Variants in PMFBP1 observed in about 807,000 individuals in gnomAD.
PMFBP1 encodes the protein polyamine-modulated factor 1-binding protein 1.
A neutral mutation model predicts 137.8 loss-of-function variants in PMFBP1; 131 were observed. The ratio of observed to expected loss-of-function variants is 0.95; its 90% CI spans 0.82 to 1.10. The LOEUF (loss-of-function observed/expected upper bound fraction) is 1.10, where lower values mean the gene tolerates loss of function less well. PMFBP1 is among the 50% of genes least tolerant of loss of function. The pLI, the probability that PMFBP1 is intolerant of heterozygous loss-of-function variation, is 0.00. For missense variants in PMFBP1, 1,199 were observed against 1,175.4 expected (o/e 1.02, Z -0.29); for synonymous variants, 490 against 450.4 (o/e 1.09, Z -1.11).
chr16:72,216,346 G>C, the PMFBP1 span, among the ~76,000 whole-genome samples: 3 of 152,154 alleles, frequency 2.0e-5, no homozygotes, highest in African/African-American at 7.2e-5. Context: ...TATCCTATTT[G>C]ATTAATACAG....
the PMFBP1 span, among the ~76,000 whole-genome samples, chr16:72,222,256 A>T: frequency 6.6e-6 from 1 of 152,090 alleles, no homozygotes; most frequent in Non-Finnish European, 1.5e-5. Context: ...AAAGGCACTC[A>T]CCACCATGCC....
downstream of PMFBP1, among the ~76,000 whole-genome samples, chr16:72,117,620 T>C (rs960207079): frequency 2.0e-5 from 3 of 152,350 alleles, no homozygotes; most frequent in South Asian, 2.1e-4. Flanking sequence ...TCTTTCACCA[T>C]TGAGTATAAT....
rs2042341992 is a variant in PMFBP1 at position 72,119,364 on chromosome 16, C to T, written c.3008-10G>A. 1 of 1,613,978 alleles carries T rather than the reference C, an allele frequency of 6.2e-7. No individual in the cohort carries two copies. The highest frequency in any genetic ancestry group is 1.7e-5 in the Admixed American group (1 of 60,004). ...TAGCAGTATGAGGAACCTGAGGGAA[C>T]AGGGAGGAAATGAGAGTTTTGATTC... is the stretch of plus-strand genomic sequence containing the variant. On this transcript the variant is annotated splice_polypyrimidine_tract_variant and intron_variant, in intron 20 of 20. Coordinates refer to ENST00000237353, the MANE Select transcript of PMFBP1 (RefSeq NM_031293.3).
the PMFBP1 span, among the ~76,000 whole-genome samples, chr16:72,199,487 C>T: frequency 6.6e-6 from 1 of 151,948 alleles, no homozygotes; most frequent in Non-Finnish European, 1.5e-5. Context: ...AACCCTGTCT[C>T]TACTAAAAAT....
chr16:72,129,698 ATTAATT>A (rs2042518298), intron 12 of PMFBP1, among the ~76,000 whole-genome samples: 2 of 152,224 alleles, frequency 1.3e-5, no homozygotes, highest in African/African-American at 4.8e-5. Flanking sequence ...TTGTCATTTG[ATTAATT>A]TTAAGGTTAA....
chr16:72,148,762 C>T (rs1399933323), intron 5 of PMFBP1, among the ~76,000 whole-genome samples: 1 of 152,172 alleles, frequency 6.6e-6, no homozygotes, highest in Non-Finnish European at 1.5e-5. Flanking sequence ...ATGAATAGTG[C>T]TCAATCCTTC....
At chr16:72,178,738 G>A (rs557603884), upstream of PMFBP1, among the ~76,000 whole-genome samples, 30 of 152,224 alleles carry the variant, frequency 2.0e-4, no homozygotes, top group South Asian at 1.5e-3. Flanking sequence ...TTTTGGGTAC[G>A]AGATGCTCCA....
the PMFBP1 span, among the ~76,000 whole-genome samples, chr16:72,226,549 G>A: frequency 6.6e-6 from 1 of 152,110 alleles, no homozygotes; most frequent in Non-Finnish European, 1.5e-5. Flanking sequence ...CAGACACATT[G>A]CCAAAAGCTT....
the PMFBP1 span, among the ~76,000 whole-genome samples, chr16:72,227,634 T>C: frequency 1.3e-5 from 2 of 152,178 alleles, no homozygotes; most frequent in African/African-American, 2.4e-5. Flanking sequence ...TCCATGTGGA[T>C]TTATCATTGC....
chr16:72,183,504 T>C, the PMFBP1 span, among the ~76,000 whole-genome samples: 1 of 152,198 alleles, frequency 6.6e-6, no homozygotes, highest in African/African-American at 2.4e-5. Context: ...GTGTTCTCCC[T>C]ATGTGCATGT....
rs370104077 is a variant in PMFBP1, at chr16:72,122,990, T to C, written c.2694-2A>G. ...TTTCCTAGTTTCTCATTGGCGACCC[T>C]GTAATAAAATCACAGGAGAAAACAG... On this transcript the variant is annotated splice_acceptor_variant, in intron 18 of 20. Transcript: ENST00000237353. LOFTEE classifies it high-confidence loss of function. 1.3e-4 allele frequency: 211 copies of C among 1,612,028 alleles called. No homozygotes were observed. In the Middle Eastern group the frequency reaches 1.3e-3, roughly 10 times the overall value.
downstream of PMFBP1, among the ~76,000 whole-genome samples, chr16:72,117,099 T>G (rs2042316092): frequency 6.6e-6 from 1 of 151,908 alleles, no homozygotes; most frequent in Admixed American, 6.6e-5. Context: ...GATCACTTTG[T>G]GTATACTGAC....
chr16:72,127,350 T>C (rs895390896), intron 14 of PMFBP1, among the ~76,000 whole-genome samples: 2 of 152,216 alleles, frequency 1.3e-5, no homozygotes. Context: ...TAATTTGGTC[T>C]TCTGAAAACA....
the PMFBP1 span, among the ~76,000 whole-genome samples, chr16:72,246,702 A>T: frequency 6.6e-6 from 1 of 151,982 alleles, no homozygotes; most frequent in African/African-American, 2.4e-5. Flanking sequence ...TGTATAGGAT[A>T]ATGATTGACT....
the PMFBP1 span, among the ~76,000 whole-genome samples, chr16:72,218,349 T>C: frequency 6.6e-6 from 1 of 152,164 alleles, no homozygotes; most frequent in Non-Finnish European, 1.5e-5. Flanking sequence ...TTTTTTTTCT[T>C]TTTTTGAGAC....
chr16:72,168,458 T>C (rs1226508510), intron 2 of PMFBP1, among the ~76,000 whole-genome samples: 1 of 152,254 alleles, frequency 6.6e-6, no homozygotes, highest in Non-Finnish European at 1.5e-5. Flanking sequence ...ATCTACTTTA[T>C]GAAGGCTAAA....
chr16:72,224,711 A>C, the PMFBP1 span: 3 of 152,330 alleles, frequency 2.0e-5, no homozygotes, highest in Non-Finnish European at 4.4e-5. Context: ...CTCAGAGAGA[A>C]GTAATTTGCT....
intron 3 of PMFBP1, among the ~76,000 whole-genome samples, chr16:72,159,009 T>C (rs867470964): frequency 2.0e-5 from 3 of 152,256 alleles, no homozygotes; most frequent in Non-Finnish European, 4.4e-5. Flanking sequence ...AATATCCTTA[T>C]CAGATTTTGC....
chr16:72,164,844 G>C lies in PMFBP1; in HGVS notation c.85C>G (p.Leu29Val), dbSNP rs750747699. ...LLSLQLDIKN[L>V]HDVCKRQRKT... Reference sequence around the variant, plus strand: ...CTCTGTCTCTTGCAGACATCGTGCAGATTCTTGATGTCAAGTTGCAGGCTT... The same window carrying C: ...CTCTGTCTCTTGCAGACATCGTGCACATTCTTGATGTCAAGTTGCAGGCTT... Residue 29 changes from leucine to valine, a missense_variant, in exon 3 of 21, where the codon CTG (leucine) becomes GTG (valine). Leu to Val is a conservative substitution (Grantham distance 32). Coordinates refer to ENST00000237353, the MANE Select transcript of PMFBP1 (RefSeq NM_031293.3). 5 of 1,610,058 alleles carry C rather than the reference G, an allele frequency of 3.1e-6. No individual in the cohort carries two copies. Among genetic ancestry groups the C allele is most frequent in the Non-Finnish European group, 4.2e-6 (5 of 1,176,734 alleles).
Sources: gnomAD v4.1 joint callset for allele counts (sites outside exome capture counted in the v4.1 genomes callset) on GRCh38, gnomAD v4.1.1 for gene constraint, MANE v1.5 for transcripts, NCBI Gene and HGNC (gene_info 2026-07-23, HGNC 2026-07-21) for gene names.